Variants in ARMC8 observed in about 807,000 individuals in gnomAD.
The protein encoded by ARMC8 is armadillo repeat containing 8, also known as armadillo repeat-containing protein 8.
Under a neutral mutation model 99.3 loss-of-function variants are expected in ARMC8, and 20 were observed. The observed-to-expected ratio is 0.20, with a 90% CI of 0.14 to 0.29. The LOEUF (loss-of-function observed/expected upper bound fraction) is 0.29, where lower values mean the gene tolerates loss of function less well. Among genes scored for constraint, ARMC8 ranks in the 10% least tolerant of loss-of-function variants. The pLI, the probability that ARMC8 is intolerant of heterozygous loss-of-function variation, is 1.00. For missense variants in ARMC8, 569 were observed against 809.5 expected (o/e 0.70, Z 3.60); for synonymous variants, 263 against 278.3 (o/e 0.95, Z 0.55).
intron 6 of ARMC8, among the ~76,000 whole-genome samples, chr3:138,229,462 C>G (rs1405435752): frequency 6.6e-6 from 1 of 150,518 alleles, no homozygotes; most frequent in African/African-American, 2.4e-5. Flanking sequence ...CAAAAAATAC[C>G]TTGTATATGA....
intron 14 of ARMC8, among the ~76,000 whole-genome samples, chr3:138,265,064 A>AT (rs917606857): frequency 3.3e-5 from 5 of 151,570 alleles, no homozygotes; most frequent in East Asian, 3.9e-4. Flanking sequence ...TGCCTGGCTA[A>AT]TTTTTTTTAT....
At position 138,241,785 on chromosome 3, in the gene ARMC8, A is replaced by G; in HGVS notation, c.840A>G (p.Thr280=). The G allele has an allele frequency of 6.2e-7, 1 of 1,613,902 alleles. No individual in the cohort carries two copies. Among genetic ancestry groups the G allele is most frequent in the Non-Finnish European group, 8.5e-7 (1 of 1,179,916 alleles). ...RTDDNCIVLK[T]LPCLVRMCSK... ...TAATTAATCTCACTACCTTTCAGAC[A>G]TTACCTTGTTTGGTTCGAATGTGCA... The change falls in exon 11 of 22, where the codon ACA becomes ACG. Residue 280 remains threonine, a splice_region_variant and synonymous_variant. Transcript: ENST00000469044.
chr3:138,214,920 A>G (rs1024996880), intron 2 of ARMC8, among the ~76,000 whole-genome samples: 2 of 152,156 alleles, frequency 1.3e-5, no homozygotes, highest in African/African-American at 4.8e-5. Context: ...TGGCCTCTCA[A>G]AGTGTTGGGA....
chr3:138,250,969 G>A (rs544694617), intron 12 of ARMC8, among the ~76,000 whole-genome samples: 3 of 151,994 alleles, frequency 2.0e-5, no homozygotes, highest in South Asian at 2.1e-4. Context: ...GCAACATAGC[G>A]AAACTCCGTC....
At chr3:138,245,471 A>T (rs923790388) in intron 12 of ARMC8, 4 of 1,331,132 alleles carry the variant, frequency 3.0e-6, no homozygotes, top group Non-Finnish European at 3.8e-6. Context: ...ATGTGTTCTG[A>T]TAAAAATCAA....
chr3:138,289,935 A>G (rs1211028183), intron 20 of ARMC8, among the ~76,000 whole-genome samples: 1 of 152,198 alleles, frequency 6.6e-6, no homozygotes, highest in Non-Finnish European at 1.5e-5. Context: ...AGCAGCGCCC[A>G]AAACAAAGTG....
intron 18 of ARMC8, among the ~76,000 whole-genome samples, chr3:138,274,767 T>C (rs1020993044): frequency 2.0e-5 from 3 of 152,216 alleles, no homozygotes; most frequent in Non-Finnish European, 4.4e-5. Flanking sequence ...GCTCTCTGTG[T>C]CATGCACTGT....
At chr3:138,267,907 C>G (rs539594154) in intron 15 of ARMC8, among the ~76,000 whole-genome samples, 1 of 152,084 alleles carries the variant, frequency 6.6e-6, no homozygotes, top group Admixed American at 6.6e-5. Context: ...CATTATAACA[C>G]TTGTAGGCAT....
chr3:138,243,759 A>G (rs1383060713), intron 11 of ARMC8, among the ~76,000 whole-genome samples: 1 of 152,186 alleles, frequency 6.6e-6, no homozygotes, highest in Non-Finnish European at 1.5e-5. Flanking sequence ...TAAAAGTCTC[A>G]TCATTGATCA....
chr3:138,258,954 G>T (rs961305467), intron 12 of ARMC8, among the ~76,000 whole-genome samples: 2 of 152,188 alleles, frequency 1.3e-5, no homozygotes, highest in Non-Finnish European at 2.9e-5. Context: ...TTTTTTAGCA[G>T]ATCCAACCAG....
At chr3:138,189,067 T>C (rs897395212) in intron 1 of ARMC8, among the ~76,000 whole-genome samples, 1 of 152,190 alleles carries the variant, frequency 6.6e-6, no homozygotes, top group African/African-American at 2.4e-5. Flanking sequence ...CTTTAATTAT[T>C]CATTTAGATT....
rs529323644 is a variant in ARMC8 at position 138,204,863 on chromosome 3, C to T, written c.46-4954C>T. 2.7e-3 allele frequency among the ~76,000 whole-genome samples: 409 copies of T among 152,168 alleles called. 1 individual carries two copies. Among genetic ancestry groups the T allele is most frequent in the Non-Finnish European group, 4.6e-3 (315 of 68,006 alleles). On this transcript the variant is annotated intron_variant, in intron 1 of 21. Transcript: ENST00000469044. Reference sequence around the variant, plus strand: ...ATATGCTGACAACATCTGATTTACACGTCTAGCCCACAACTTTTTCCTAAA... The same window carrying T: ...ATATGCTGACAACATCTGATTTACATGTCTAGCCCACAACTTTTTCCTAAA...
At chr3:138,214,548 C>T (rs1348524657) in intron 2 of ARMC8, among the ~76,000 whole-genome samples, 1 of 152,060 alleles carries the variant, frequency 6.6e-6, no homozygotes, top group African/African-American at 2.4e-5. Flanking sequence ...AAAATGAAGC[C>T]TTTGGGTTTT....
intron 16 of ARMC8, among the ~76,000 whole-genome samples, chr3:138,270,738 ATACT>A (rs2048714060): frequency 6.6e-6 from 1 of 152,204 alleles, no homozygotes; most frequent in African/African-American, 2.4e-5. Context: ...TGGTGCATAA[ATACT>A]TAATAATTTT....
chr3:138,293,548 GAA>G (rs2108399755), intron 21 of ARMC8, among the ~76,000 whole-genome samples: 1 of 151,508 alleles, frequency 6.6e-6, no homozygotes, highest in South Asian at 2.1e-4. Context: ...AAAAAAAAAA[GAA>G]AAGAGGAAGA....
chr3:138,242,538 A>G (rs2046676715), intron 11 of ARMC8, among the ~76,000 whole-genome samples: 1 of 152,214 alleles, frequency 6.6e-6, no homozygotes, highest in Admixed American at 6.5e-5. Context: ...TAAGTTCCTT[A>G]GAATAGATCG....
At chr3:138,201,074 G>A (rs748263053) in intron 1 of ARMC8, among the ~76,000 whole-genome samples, 3 of 151,638 alleles carry the variant, frequency 2.0e-5, no homozygotes, top group Non-Finnish European at 2.9e-5. Context: ...CACCATGCCC[G>A]ACTAATTTTG....
At chr3:138,283,876 G>T (rs891738306) in intron 18 of ARMC8, among the ~76,000 whole-genome samples, 2 of 152,144 alleles carry the variant, frequency 1.3e-5, no homozygotes, top group Admixed American at 6.5e-5. Flanking sequence ...CCCTAACAGG[G>T]TTCAAAAAAG....
chr3:138,229,172 A>ATGTATATGTATATG (rs1352181966), intron 6 of ARMC8, 162 bp downstream of exon 6: 5 of 37,532 alleles, frequency 1.3e-4, no homozygotes, highest in Non-Finnish European at 1.1e-4. Context: ...ATATATATAT[A>ATGTATATGTATATG]TATATATATA....
Sources: allele counts gnomAD v4.1 joint callset (sites outside exome capture counted in the v4.1 genomes callset), GRCh38; gene constraint gnomAD v4.1.1; transcripts MANE v1.5; gene names NCBI Gene and HGNC (gene_info 2026-07-23, HGNC 2026-07-21).